BCKDHB: variants seen among roughly 807,000 people sequenced by gnomAD.
The protein encoded by BCKDHB is 2-oxoisovalerate dehydrogenase subunit beta, mitochondrial.
In BCKDHB, 41 loss-of-function variants were observed where a neutral mutation model predicts 48.5. The observed-to-expected ratio is 0.85, with a 90% CI of 0.66 to 1.10. BCKDHB has a LOEUF of 1.10. Among genes scored for constraint, BCKDHB ranks in the 50% least tolerant of loss-of-function variants. BCKDHB has a pLI of 0.00. For missense variants in BCKDHB, 496 were observed against 494.2 expected (o/e 1.00, Z -0.03); for synonymous variants, 201 against 174.8 (o/e 1.15, Z -1.18).
chr6:80,117,923 G>T (rs578049596), intron 1 of BCKDHB, among the ~76,000 whole-genome samples: 6 of 152,016 alleles, frequency 3.9e-5, no homozygotes, highest in African/African-American at 1.4e-4. Flanking sequence ...CTCTAACACC[G>T]CTGGGTTAGT....
At chr6:80,454,576 A>T in the BCKDHB span, among the ~76,000 whole-genome samples, 1 of 152,166 alleles carries the variant, frequency 6.6e-6, no homozygotes, top group Admixed American at 6.5e-5. Flanking sequence ...TACATCTCTT[A>T]AATAGTCAGA....
chr6:80,391,247 T>C, the BCKDHB span, among the ~76,000 whole-genome samples: 1 of 152,030 alleles, frequency 6.6e-6, no homozygotes, highest in Non-Finnish European at 1.5e-5. Flanking sequence ...GATGGTGTAG[T>C]GGGTTGAATG....
At chr6:80,298,086 C>G (rs776959591) in intron 9 of BCKDHB, among the ~76,000 whole-genome samples, 1 of 151,942 alleles carries the variant, frequency 6.6e-6, no homozygotes, top group Non-Finnish European at 1.5e-5. Context: ...TTAACTATAG[C>G]ACTCTTTAAA....
chr6:80,415,171 A>G, the BCKDHB span, among the ~76,000 whole-genome samples: 1 of 152,128 alleles, frequency 6.6e-6, no homozygotes, highest in Admixed American at 6.6e-5. Flanking sequence ...GGCCAAGACT[A>G]TGGGGTTTTC....
chr6:80,404,082 C>T, the BCKDHB span, among the ~76,000 whole-genome samples: 286 of 152,010 alleles, frequency 1.9e-3, no homozygotes, highest in African/African-American at 5.9e-3. Flanking sequence ...CAGGGCAATG[C>T]TGGCCTTGTG....
At chr6:80,295,074 A>AC (rs1198770450) in intron 9 of BCKDHB, among the ~76,000 whole-genome samples, 1 of 152,048 alleles carries the variant, frequency 6.6e-6, no homozygotes, top group Middle Eastern at 3.2e-3. Flanking sequence ...ATGTGATGTC[A>AC]CCCCCAGCAG....
At chr6:80,157,830 T>C (rs1772126323) in intron 3 of BCKDHB, among the ~76,000 whole-genome samples, 1 of 152,106 alleles carries the variant, frequency 6.6e-6, no homozygotes, top group African/African-American at 2.4e-5. Flanking sequence ...TGTCAGATTT[T>C]CTAATTGTTT....
At chr6:80,177,165 C>T (rs1414920595) in intron 6 of BCKDHB, among the ~76,000 whole-genome samples, 1 of 132,218 alleles carries the variant, frequency 7.6e-6, no homozygotes, top group Non-Finnish European at 1.5e-5. Context: ...GAGGCTGAGG[C>T]TGCAGTGAGC....
chr6:80,459,901 T>TAAGCCATTTCCA, the BCKDHB span, among the ~76,000 whole-genome samples: 1 of 152,132 alleles, frequency 6.6e-6, no homozygotes, highest in African/African-American at 2.4e-5. Flanking sequence ...CTTGGATCCA[T>TAAGCCATTTCCA]AAGCCATTTC....
intron 8 of BCKDHB, among the ~76,000 whole-genome samples, chr6:80,231,742 G>A (rs1284673017): frequency 2.6e-5 from 4 of 152,158 alleles, no homozygotes; most frequent in Non-Finnish European, 4.4e-5. Context: ...CGAAGCAGGC[G>A]GATTATGAGG....
chr6:80,391,200 T>TGTGTGTG, the BCKDHB span, among the ~76,000 whole-genome samples: 1 of 152,006 alleles, frequency 6.6e-6, no homozygotes, highest in Non-Finnish European at 1.5e-5. Flanking sequence ...TGTGTGTGTC[T>TGTGTGTG]CCTATTAGTT....
chr6:80,110,992 A>G lies in BCKDHB; in HGVS notation c.196+4103A>G, dbSNP rs139477413. On this transcript the variant is annotated intron_variant, in intron 1 of 9. Coordinates refer to ENST00000320393, the MANE Select transcript of BCKDHB (RefSeq NM_183050.4). ...TGACTATTAGCAATTTCACCAGATGATGCTTAAATTGTAGTAGTGCCCCTA... is the reference window on the plus strand; with the variant it reads ...TGACTATTAGCAATTTCACCAGATGGTGCTTAAATTGTAGTAGTGCCCCTA... 2.0e-3 allele frequency among the ~76,000 whole-genome samples: 303 copies of G among 152,314 alleles called. 2 individuals are homozygous for G. The highest frequency in any genetic ancestry group is 7.0e-3 in the African/African-American group (293 of 41,576).
intron 1 of BCKDHB, among the ~76,000 whole-genome samples, chr6:80,107,291 T>TATATATATA (rs1769128559): frequency 6.9e-6 from 1 of 145,898 alleles, no homozygotes; most frequent in Non-Finnish European, 1.5e-5. Context: ...ATTTAAAAGA[T>TATATATATA]ATATATATAT....
At chr6:80,195,123 ATTAG>A (rs1774073287) in intron 6 of BCKDHB, among the ~76,000 whole-genome samples, 1 of 152,090 alleles carries the variant, frequency 6.6e-6, no homozygotes, top group African/African-American at 2.4e-5. Context: ...TTATCTTCTA[ATTAG>A]ATGGTATCTT....
At chr6:80,365,744 T>C in the BCKDHB span, among the ~76,000 whole-genome samples, 302 of 114,416 alleles carry the variant, frequency 2.6e-3, no homozygotes, top group African/African-American at 7.7e-3. Context: ...GATAACAGGA[T>C]TAAGAGATTA....
At chr6:80,384,627 G>T in the BCKDHB span, among the ~76,000 whole-genome samples, 2 of 152,116 alleles carry the variant, frequency 1.3e-5, no homozygotes, top group South Asian at 4.1e-4. Context: ...AAAGTGCTGG[G>T]ATTACAGGTA....
intron 6 of BCKDHB, among the ~76,000 whole-genome samples, chr6:80,186,241 C>G (rs1773634092): frequency 6.6e-6 from 1 of 152,140 alleles, no homozygotes; most frequent in African/African-American, 2.4e-5. Context: ...CTAGGCAGGT[C>G]TGAGCTCAGA....
chr6:80,347,961 CATA>C (rs1770282906), downstream of BCKDHB, among the ~76,000 whole-genome samples: 1 of 152,176 alleles, frequency 6.6e-6, no homozygotes, highest in Admixed American at 6.5e-5. Context: ...CCCAGCCTCA[CATA>C]ATAATGTCTG....
At chr6:80,430,076 G>C in the BCKDHB span, among the ~76,000 whole-genome samples, 74 of 152,198 alleles carry the variant, frequency 4.9e-4, no homozygotes, top group Non-Finnish European at 7.8e-4. Flanking sequence ...TAGCATGAAG[G>C]GCTGTTGAAT....
Sources: allele counts gnomAD v4.1 joint callset (sites outside exome capture counted in the v4.1 genomes callset), GRCh38; gene constraint gnomAD v4.1.1; transcripts MANE v1.5; gene names NCBI Gene and HGNC (gene_info 2026-07-23, HGNC 2026-07-21).